Variants in KIAA1549 observed in about 807,000 individuals in gnomAD.
KIAA1549 encodes the protein KIAA1549, also known as UPF0606 protein KIAA1549.
KIAA1549 carries 70 observed loss-of-function variants against 156.4 expected under a neutral mutation model. That is an observed-to-expected ratio of 0.45 (90% CI 0.37 to 0.55). The LOEUF (loss-of-function observed/expected upper bound fraction) is 0.55, where lower values mean the gene tolerates loss of function less well. Ranked by LOEUF, KIAA1549 falls within the 20% of genes least tolerant of loss-of-function variation. The pLI, the probability that KIAA1549 is intolerant of heterozygous loss-of-function variation, is 0.00. For synonymous variants in KIAA1549, 1,103 were observed against 1,066.4 expected, an observed-to-expected ratio of 1.03 and a Z score of -0.67; for missense variants, 2,428 against 2,540.9, an observed-to-expected ratio of 0.96 and a Z score of 0.96.
Position 138,871,362 on chromosome 7 carries a change from C to A in KIAA1549, c.4346G>T (p.Gly1449Val), listed in dbSNP as rs770591296. ...ATTTCCCGAACTGGGCAGTGGTGGCCCTGGAACAGAAGGAAAAGCAAAACA... is the reference window on the plus strand; with the variant it reads ...ATTTCCCGAACTGGGCAGTGGTGGCACTGGAACAGAAGGAAAAGCAAAACA... ...DGRSHRAPQSGPPLPSSGNEQ... is the reference protein window; with the variant it reads ...DGRSHRAPQSVPPLPSSGNEQ... Residue 1449 changes from glycine to valine, a missense_variant and splice_region_variant, in exon 13 of 20, where the codon GGG (glycine) becomes GTG (valine). Gly to Val is a moderately radical substitution (Grantham distance 109). Transcript: ENST00000422774. 3 of 1,512,294 alleles carry A rather than the reference C, an allele frequency of 2.0e-6. No homozygotes were observed. Among genetic ancestry groups the A allele is most frequent in the Non-Finnish European group, 2.6e-6 (3 of 1,132,270 alleles). The allele number at this position is 1,512,294 out of a possible 1,614,324, so 93.7% of individuals were successfully genotyped here. A position where few individuals can be genotyped will look rare whatever the true frequency, so the allele number is the denominator to read the frequency against.
At chr7:138,924,548 G>C (rs1326048196) in intron 1 of KIAA1549, among the ~76,000 whole-genome samples, 1 of 152,162 alleles carries the variant, frequency 6.6e-6, no homozygotes, top group Non-Finnish European at 1.5e-5. Context: ...CTAAGGACAG[G>C]GTACGGGGAG....
intron 10 of KIAA1549, among the ~76,000 whole-genome samples, chr7:138,883,166 G>A (rs932817044): frequency 6.1e-5 from 9 of 148,184 alleles, no homozygotes; most frequent in Middle Eastern, 3.3e-3. Flanking sequence ...CCAGCTACTC[G>A]GGAGGGTGAG....
chr7:138,871,439 T>A, intron 12 of KIAA1549, 77 bp from the exon 13 acceptor site: 1 of 1,304,888 alleles, frequency 7.7e-7, no homozygotes, highest in East Asian at 2.5e-5. Flanking sequence ...TGTGAATTAT[T>A]CTTTAAAGAA....
intron 10 of KIAA1549, among the ~76,000 whole-genome samples, chr7:138,888,470 T>C (rs1463734382): frequency 6.6e-6 from 1 of 152,244 alleles, no homozygotes; most frequent in African/African-American, 2.4e-5. Context: ...GCTGGTTTAT[T>C]TGTTGTCCCT....
rs1041994272 is a variant in KIAA1549, at chr7:138,835,035, T to C, written c.*2871A>G. 11 of 224,416 alleles carry C rather than the reference T, an allele frequency of 4.9e-5. No individual in the cohort carries two copies. Among genetic ancestry groups the C allele is most frequent in the Non-Finnish European group, 8.0e-5 (9 of 112,918 alleles). 13.9% of individuals were successfully genotyped at this position (224,416 alleles called of 1,614,324 possible). A position where few individuals can be genotyped will look rare whatever the true frequency, so the allele number is the denominator to read the frequency against. Reference sequence around the variant, plus strand: ...TCAAATTTACAGTTTGTGTTACCACTAGAACTTTTAAAATAGGAAAAAAGA... The same window carrying C: ...TCAAATTTACAGTTTGTGTTACCACCAGAACTTTTAAAATAGGAAAAAAGA... On this transcript the variant is annotated 3_prime_UTR_variant, in exon 20 of 20. Transcript: ENST00000422774.
chr7:138,919,393 T>G lies in KIAA1549; in HGVS notation c.233A>C (p.Glu78Ala). Residue 78 changes from glutamate to alanine, a missense_variant, in exon 2 of 20, where the codon GAG (glutamate) becomes GCG (alanine). Transcript: ENST00000422774. ...EQHNLSLYSMELVLKKSTGHS... is the reference protein window; with the variant it reads ...EQHNLSLYSMALVLKKSTGHS... ...CCCAGTGCTTTTCTTCAGCACGAGC[T>G]CCATGGAGTATAAAGAAAGGTTGTG... 6.2e-7 allele frequency: 1 copy of G among 1,613,982 alleles called. No homozygotes were observed. Among genetic ancestry groups the G allele is most frequent in the South Asian group, 1.1e-5 (1 of 91,074 alleles).
rs985990463 is a variant in KIAA1549 at position 138,862,728 on chromosome 7, C to A, written c.4930-1272G>T. On this transcript the variant is annotated intron_variant, in intron 15 of 19. Transcript: ENST00000422774. ...GGTGGATCACCTGAGGTCAGGAGTT[C>A]GAGACCAGCGTGGCCAACATGGTGA... Among the ~76,000 whole-genome samples the A allele has an allele frequency of 2.0e-5, 3 of 152,136 alleles. No homozygotes were observed. The East Asian group carries it at 5.8e-4, about 29-fold the overall frequency.
At chr7:138,861,968 T>A (rs750472398) in intron 15 of KIAA1549, among the ~76,000 whole-genome samples, 59 of 152,116 alleles carry the variant, frequency 3.9e-4, no homozygotes, top group Middle Eastern at 6.8e-3. Flanking sequence ...AATTCAACAA[T>A]CATTTTTTCA....
At chr7:138,927,131 C>CTT (rs1812741604) in intron 1 of KIAA1549, among the ~76,000 whole-genome samples, 1 of 152,150 alleles carries the variant, frequency 6.6e-6, no homozygotes, top group Non-Finnish European at 1.5e-5. Flanking sequence ...AATCTATGTC[C>CTT]TTTTTTGTAC....
rs1809690681 is a variant in KIAA1549 at position 138,835,853 on chromosome 7, G to A, written c.*2053C>T. The A allele has an allele frequency of 4.5e-6, 1 of 221,496 alleles. No individual in the cohort carries two copies. 13.7% of individuals were successfully genotyped at this position (221,496 alleles called of 1,614,324 possible). ...GGAGCCTCTGAGGATCGCCTGATAA[G>A]ATGCTGCTGGTCCTTTGTTGAACGT... On this transcript the variant is annotated 3_prime_UTR_variant, in exon 20 of 20. Coordinates refer to ENST00000422774, the MANE Select transcript of KIAA1549 (RefSeq NM_001164665.2).
At chr7:138,841,943 T>A (rs1809933639) in intron 18 of KIAA1549, among the ~76,000 whole-genome samples, 3 of 151,250 alleles carry the variant, frequency 2.0e-5, no homozygotes, top group African/African-American at 7.3e-5. Context: ...TATTTAATGA[T>A]AACTAAAAGT....
rs1809531223 is a variant in KIAA1549 at position 138,831,560 on chromosome 7, G to A, written c.*6346C>T. ...TAAAACCGACAAATAGAAGGGAGGG[G>A]CCGATTATTAAATCGTATACCCATA... On this transcript the variant is annotated 3_prime_UTR_variant, in exon 20 of 20. Coordinates refer to ENST00000422774, the MANE Select transcript of KIAA1549 (RefSeq NM_001164665.2). 4.4e-6 allele frequency: 1 copy of A among 225,946 alleles called. No homozygotes were observed. Among genetic ancestry groups the A allele is most frequent in the Non-Finnish European group, 8.8e-6 (1 of 113,580 alleles). 14.0% of individuals were successfully genotyped at this position (225,946 alleles called of 1,614,324 possible). A position where few individuals can be genotyped will look rare whatever the true frequency, so the allele number is the denominator to read the frequency against.
intron 16 of KIAA1549, among the ~76,000 whole-genome samples, chr7:138,852,622 C>G (rs1241613175): frequency 6.6e-6 from 1 of 152,234 alleles, no homozygotes; most frequent in Non-Finnish European, 1.5e-5. Flanking sequence ...GGCCTCATAT[C>G]TTTTGCTAAA....
At chr7:138,893,971 G>A (rs548333177) in intron 10 of KIAA1549, among the ~76,000 whole-genome samples, 1 of 152,358 alleles carries the variant, frequency 6.6e-6, no homozygotes, top group African/African-American at 2.4e-5. Context: ...TTCGGAGACC[G>A]AGGCAGGAGA....
chr7:138,885,849 C>T (rs565870184), intron 10 of KIAA1549, among the ~76,000 whole-genome samples: 2 of 147,076 alleles, frequency 1.4e-5, no homozygotes, highest in African/African-American at 5.0e-5. Flanking sequence ...TGAAGCCAGT[C>T]GGTCAGAAGT....
At chr7:138,843,918 T>C (rs1399563203) in intron 18 of KIAA1549, among the ~76,000 whole-genome samples, 3 of 152,094 alleles carry the variant, frequency 2.0e-5, no homozygotes, top group African/African-American at 7.3e-5. Flanking sequence ...TGTTTTGTTT[T>C]GAGATAAGAG....
chr7:138,899,241 T>C, intron 8 of KIAA1549, 109 bp from the exon 9 acceptor site: 1 of 1,000,068 alleles, frequency 1.0e-6, no homozygotes, highest in Non-Finnish European at 1.5e-6. Flanking sequence ...CCAATCCTCA[T>C]AATAAGCTCC....
chr7:138,979,220 G>A (rs1355394054), intron 1 of KIAA1549, among the ~76,000 whole-genome samples: 2 of 152,216 alleles, frequency 1.3e-5, no homozygotes, highest in Non-Finnish European at 2.9e-5. Flanking sequence ...ATGTCTCCAG[G>A]TTGAATATTT....
chr7:138,938,781 C>T (rs1057181453), intron 1 of KIAA1549, among the ~76,000 whole-genome samples: 5 of 152,228 alleles, frequency 3.3e-5, no homozygotes, highest in Non-Finnish European at 5.9e-5. Flanking sequence ...GGCACAGTGG[C>T]TCACGCCTAT....
Sources: gnomAD v4.1 joint callset for allele counts (sites outside exome capture counted in the v4.1 genomes callset) on GRCh38, gnomAD v4.1.1 for gene constraint, MANE v1.5 for transcripts, NCBI Gene and HGNC (gene_info 2026-07-23, HGNC 2026-07-21) for gene names.